The following IGF1R variants were observed in gnomAD, a reference collection of about 807,000 sequenced individuals.
IGF1R encodes insulin-like growth factor 1 receptor.
Under a neutral mutation model 144.6 loss-of-function variants are expected in IGF1R, and 44 were observed. That is an observed-to-expected ratio of 0.30 (90% CI 0.24 to 0.39). IGF1R has a LOEUF of 0.39. Ranked by LOEUF, IGF1R falls within the 10% of genes least tolerant of loss-of-function variation. The pLI, the probability that IGF1R is intolerant of heterozygous loss-of-function variation, is 1.00. For missense variants in IGF1R, 1,355 were observed against 1,833.7 expected (o/e 0.74, Z 4.77); for synonymous variants, 795 against 722.8 (o/e 1.10, Z -1.60).
chr15:98,657,824 C>A (rs2052519758), intron 1 of IGF1R, among the ~76,000 whole-genome samples: 1 of 152,200 alleles, frequency 6.6e-6, no homozygotes, highest in Non-Finnish European at 1.5e-5. Flanking sequence ...TGCAGCCTGT[C>A]CTTTTCTGGG....
intron 10 of IGF1R, among the ~76,000 whole-genome samples, chr15:98,917,683 C>A (rs1184823155): frequency 6.6e-6 from 1 of 152,176 alleles, no homozygotes; most frequent in Non-Finnish European, 1.5e-5. Flanking sequence ...CATGTCACAA[C>A]ACAGATGAAC....
intron 1 of IGF1R, among the ~76,000 whole-genome samples, chr15:98,681,083 C>G (rs1301768788): frequency 6.6e-6 from 1 of 152,158 alleles, no homozygotes; most frequent in Non-Finnish European, 1.5e-5. Context: ...TAAGTATACT[C>G]TGATCACACA....
intron 2 of IGF1R, among the ~76,000 whole-genome samples, chr15:98,821,865 G>GCACA (rs61539886): frequency 1.4e-4 from 21 of 151,790 alleles, no homozygotes; most frequent in African/African-American, 5.1e-4. Context: ...GTGTATGTGT[G>GCACA]CACACACACA....
intron 3 of IGF1R, among the ~76,000 whole-genome samples, chr15:98,894,077 T>C (rs1020155511): frequency 6.6e-6 from 1 of 152,188 alleles, no homozygotes; most frequent in Non-Finnish European, 1.5e-5. Context: ...CATTTTTTTT[T>C]TCTTTTCTTT....
rs886428796 is a variant in IGF1R at position 98,961,678 on chromosome 15, C to G, written c.*4236C>G. 2 of 233,618 alleles carry G rather than the reference C, an allele frequency of 8.6e-6. No homozygotes were observed. The highest frequency in any genetic ancestry group is 1.7e-5 in the Non-Finnish European group (2 of 118,072). The allele number at this position is 233,618 out of a possible 1,614,324, so 14.5% of individuals were successfully genotyped here. A position where few individuals can be genotyped will look rare whatever the true frequency, so the allele number is the denominator to read the frequency against. On this transcript the variant is annotated 3_prime_UTR_variant, in exon 21 of 21. Coordinates refer to ENST00000650285, the MANE Select transcript of IGF1R (RefSeq NM_000875.5). ...ATTGATGTGAGCATTAAGACGTTCT[C>G]CCACACAGCCCTTCCCTGAGGCAGC...
At chr15:98,945,270 C>A (rs938376155) in intron 19 of IGF1R, among the ~76,000 whole-genome samples, 7 of 152,230 alleles carry the variant, frequency 4.6e-5, no homozygotes, top group African/African-American at 1.7e-4. Context: ...TTGCTTCTTT[C>A]ATGACTAATT....
intron 2 of IGF1R, among the ~76,000 whole-genome samples, chr15:98,759,698 A>G (rs1004921662): frequency 1.1e-4 from 16 of 152,174 alleles, no homozygotes; most frequent in African/African-American, 3.9e-4. Context: ...AATATGTCAG[A>G]TAGAGTTGAA....
At chr15:98,733,565 A>G (rs1280470802) in intron 2 of IGF1R, among the ~76,000 whole-genome samples, 2 of 151,758 alleles carry the variant, frequency 1.3e-5, no homozygotes, top group African/African-American at 4.8e-5. Flanking sequence ...TCCCTCTCCG[A>G]GGAGCCTCCA....
At chr15:98,701,845 A>G (rs2053740956) in intron 1 of IGF1R, among the ~76,000 whole-genome samples, 1 of 152,214 alleles carries the variant, frequency 6.6e-6, no homozygotes, top group African/African-American at 2.4e-5. Context: ...TTTACTTAAT[A>G]ACAGCTGCTA....
intron 2 of IGF1R, among the ~76,000 whole-genome samples, chr15:98,728,507 C>G (rs1466254996): frequency 3.3e-5 from 5 of 152,238 alleles, no homozygotes; most frequent in Admixed American, 6.5e-5. Flanking sequence ...TTTCAGGGTC[C>G]CACTCAGTTG....
intron 2 of IGF1R, among the ~76,000 whole-genome samples, chr15:98,726,895 A>T: frequency 6.6e-6 from 1 of 151,472 alleles, no homozygotes. Flanking sequence ...AATTTTTTGT[A>T]TTTTTAGTAG....
In IGF1R at chr15:98,708,077, C is replaced by A; in HGVS notation, c.610C>A (p.Arg204Ser). ...CACCATCAACAATGAGTACAACTAC[C>A]GCTGCTGGACCACAAACCGCTGCCA... ...KTTINNEYNY[R>S]CWTTNRCQKM... The change falls in exon 2 of 21, where the codon CGC becomes AGC. Residue 204 changes from arginine (R) to serine (S), a missense_variant. Physicochemically the swap from Arg to Ser is moderately radical, Grantham distance 110 (BLOSUM62 -1). Transcript: ENST00000650285. The A allele has an allele frequency of 6.2e-7, 1 of 1,613,780 alleles. No individual in the cohort carries two copies. The highest frequency in any genetic ancestry group is 8.5e-7 in the Non-Finnish European group (1 of 1,179,948).
At chr15:98,939,424 G>T (rs2016283473) in intron 18 of IGF1R, 64 bp downstream of exon 18, 1 of 1,508,506 alleles carries the variant, frequency 6.6e-7, no homozygotes, top group African/African-American at 1.4e-5. Context: ...GACTTTGTTG[G>T]CATTAGTCTG....
intron 1 of IGF1R, among the ~76,000 whole-genome samples, chr15:98,672,884 A>G (rs115966733): frequency 8.1e-4 from 123 of 152,276 alleles, no homozygotes; most frequent in African/African-American, 2.9e-3. Context: ...AGGGTTAACA[A>G]ATGTTTCTGG....
At chr15:98,727,709 G>C (rs1239270723) in intron 2 of IGF1R, among the ~76,000 whole-genome samples, 2 of 152,206 alleles carry the variant, frequency 1.3e-5, no homozygotes, top group East Asian at 3.9e-4. Context: ...GGTCGGGGCA[G>C]TCACAGGCTT....
intron 2 of IGF1R, among the ~76,000 whole-genome samples, chr15:98,812,781 C>T (rs780152464): frequency 2.3e-4 from 35 of 151,494 alleles, no homozygotes; most frequent in Non-Finnish European, 4.6e-4. Flanking sequence ...GAATTTCTTA[C>T]GTATTAATAT....
chr15:98,778,251 C>T (rs77793977), intron 2 of IGF1R, among the ~76,000 whole-genome samples: 2,648 of 152,198 alleles, frequency 0.017, 103 homozygotes, highest in African/African-American at 0.06. Flanking sequence ...TTATCTTAGT[C>T]GTAGGAAAAC....
At chr15:98,841,279 T>C (rs1374893050) in intron 2 of IGF1R, among the ~76,000 whole-genome samples, 1 of 152,224 alleles carries the variant, frequency 6.6e-6, no homozygotes, top group African/African-American at 2.4e-5. Context: ...AAATACTGAT[T>C]GGGTTCAAAT....
At chr15:98,754,760 CAT>C in intron 2 of IGF1R, among the ~76,000 whole-genome samples, 1 of 152,266 alleles carries the variant, frequency 6.6e-6, no homozygotes, top group East Asian at 1.9e-4. Context: ...ATTAAATCCT[CAT>C]AACAGGCTAA....
Sources: gnomAD v4.1 joint callset for allele counts (sites outside exome capture counted in the v4.1 genomes callset) on GRCh38, gnomAD v4.1.1 for gene constraint, MANE v1.5 for transcripts, NCBI Gene and HGNC (gene_info 2026-07-23, HGNC 2026-07-21) for gene names.